GJA9: variants seen among roughly 807,000 people sequenced by gnomAD.
The protein encoded by GJA9 is gap junction protein alpha 9.
GJA9 carries 1 observed loss-of-function variant against 0.4 expected under a neutral mutation model. The ratio of observed to expected loss-of-function variants is 2.50; its 90% CI spans 0.89 to 11.88. The LOEUF (loss-of-function observed/expected upper bound fraction) is 11.88. Ranked by LOEUF, GJA9 falls within the 30% of genes most tolerant of loss-of-function variation. The pLI is 0.12. For synonymous variants in GJA9, 190 were observed against 219.1 expected (o/e 0.87, Z 1.17); for missense variants, 550 against 602.8 (o/e 0.91, Z 0.92).
intron 1 of GJA9, among the ~76,000 whole-genome samples, chr1:38,879,757 C>G (rs567548007): frequency 6.6e-6 from 1 of 152,090 alleles, no homozygotes; most frequent in East Asian, 1.9e-4. Context: ...GACGGAGTCT[C>G]GCCCTGTCGC....
At chr1:38,880,597 C>T (rs1183221274) in intron 1 of GJA9, among the ~76,000 whole-genome samples, 5 of 151,152 alleles carry the variant, frequency 3.3e-5, no homozygotes, top group African/African-American at 1.2e-4. Flanking sequence ...GCCTGAGCAA[C>T]ATGGTTGAAC....
At chr1:38,879,068 C>A (rs1642645391) in intron 1 of GJA9, among the ~76,000 whole-genome samples, 1 of 152,082 alleles carries the variant, frequency 6.6e-6, no homozygotes, top group African/African-American at 2.4e-5. Flanking sequence ...ATATTACTTG[C>A]AATAGATTGT....
intron 1 of GJA9, among the ~76,000 whole-genome samples, chr1:38,880,401 TC>T (rs1642671000): frequency 1.5e-5 from 1 of 67,816 alleles, no homozygotes; most frequent in African/African-American, 3.7e-5. Context: ...AGACTCTGTC[TC>T]AAAAAAAAAT....
rs369785104 is a variant in GJA9 at position 38,875,510 on chromosome 1, T to C, written c.589A>G (p.Ile197Val). The change falls in exon 2 of 2, where the codon ATA becomes GTA. Residue 197 changes from isoleucine (I) to valine (V), a missense_variant. Transcript: ENST00000357771. ...FKCHGHPCPN[I>V]IDCFVSRPTE... is the part of the protein sequence containing the mutation. ...GGTCTTGAGACAAAACAGTCGATTA[T>C]ATTTGGACACGGGTGGCCATGGCAC... 4.6e-5 allele frequency: 74 copies of C among 1,614,094 alleles called. No homozygotes were observed. The highest frequency in any genetic ancestry group is 6.7e-5 in the African/African-American group (5 of 74,950).
intron 1 of GJA9, among the ~76,000 whole-genome samples, chr1:38,880,617 A>G (rs1482517468): frequency 6.6e-6 from 1 of 151,050 alleles, no homozygotes; most frequent in African/African-American, 2.4e-5. Context: ...CCCCATCTCT[A>G]CTAAAAATAC....
Position 38,877,498 on chromosome 1 carries a change from T to TCTTC in GJA9, c.-95-1306_-95-1305insGAAG, listed in dbSNP as rs1642609916. ...GCTTGAAAAGTCAGTGATTTTTTTTTCTTTCTTTCTTTCTTTTGGGACAGA... is the reference window on the plus strand; with the variant it reads ...GCTTGAAAAGTCAGTGATTTTTTTTTCTTCCTTTCTTTCTTTCTTTTGGGACAGA... On this transcript the variant is annotated intron_variant, in intron 1 of 1. Coordinates refer to ENST00000357771, the MANE Select transcript of GJA9 (RefSeq NM_030772.5). Among the ~76,000 whole-genome samples, 3 of 152,094 alleles carry TCTTC rather than the reference T, an allele frequency of 2.0e-5. No individual in the cohort carries two copies. The South Asian group carries it at 6.2e-4, about 32-fold the overall frequency.
intron 1 of GJA9, among the ~76,000 whole-genome samples, chr1:38,877,585 C>T (rs1407859374): frequency 2.0e-5 from 3 of 152,038 alleles, no homozygotes; most frequent in Non-Finnish European, 4.4e-5. Flanking sequence ...CAACCTCCGC[C>T]TCCTGGGTTC....
Position 38,876,330 on chromosome 1 carries a change from G to A in GJA9, c.-95-137C>T, listed in dbSNP as rs148710872. On this transcript the variant is annotated intron_variant, in intron 1 of 1. Coordinates refer to ENST00000357771, the MANE Select transcript of GJA9 (RefSeq NM_030772.5). ...CCTCTGTTGCCCAGGCTGGAGTACA[G>A]TGTTGCAACCACAACTCCCTGCAGC... 271 of 533,160 alleles carry A rather than the reference G, an allele frequency of 5.1e-4. 1 individual carries two copies. The highest frequency in any genetic ancestry group is 4.8e-3 in the African/African-American group (248 of 52,152). The allele number at this position is 533,160 out of a possible 1,614,324, so 33.0% of individuals were successfully genotyped here. A position where few individuals can be genotyped will look rare whatever the true frequency, so the allele number is the denominator to read the frequency against.
In GJA9 at chr1:38,874,935, A is replaced by G. The variant is rs16825625; in HGVS notation, c.1164T>C (p.Arg388=). Residue 388 remains arginine (R), a synonymous_variant, in exon 2 of 2, where the codon CGT becomes CGC. Coordinates refer to ENST00000357771, the MANE Select transcript of GJA9 (RefSeq NM_030772.5). The stretch of plus-strand genomic sequence containing the variant: ...CATCTATAGCAACACCTGGAATAGA[A>G]CGGTGACCTCTAGAGTAGTAGTTCC... ...SKRNYYSRGH[R]SIPGVAIDGE... The G allele has an allele frequency of 0.09, 145,645 of 1,614,054 alleles. 7,081 individuals carry two copies. The highest frequency in any genetic ancestry group is 0.12 in the Middle Eastern group (698 of 6,062).
At chr1:38,880,841 T>C (rs191332297) in intron 1 of GJA9, among the ~76,000 whole-genome samples, 2 of 152,018 alleles carry the variant, frequency 1.3e-5, no homozygotes, top group Admixed American at 1.3e-4. Context: ...ATAATAATAA[T>C]GTAAGCAAAG....
chr1:38,875,263 G>A lies in GJA9; in HGVS notation c.836C>T (p.Pro279Leu), dbSNP rs774585994. 1.2e-6 allele frequency: 2 copies of A among 1,614,180 alleles called. No individual in the cohort carries two copies. Among genetic ancestry groups the A allele is most frequent in the Non-Finnish European group, 1.7e-6 (2 of 1,180,018 alleles). The change falls in exon 2 of 2, where the codon CCT becomes CTT. Residue 279 changes from proline (P) to leucine (L), a missense_variant. Coordinates refer to ENST00000357771, the MANE Select transcript of GJA9 (RefSeq NM_030772.5). The stretch of plus-strand genomic sequence containing the variant: ...TAACAGATTATAATCAGGGGCAGAA[G>A]GGAGTCGCTTCAGTGAATTTGCAGA... ...STSANSLKRL[P>L]SAPDYNLLVE...
rs1642572929 is a variant in GJA9, at chr1:38,875,671, T to C, written c.428A>G (p.Lys143Arg). ...EQELCQLEKRKLNKAPLRGTL... is the reference protein window; with the variant it reads ...EQELCQLEKRRLNKAPLRGTL... ...TCCTCTGAGTGGAGCTTTATTTAGT[T>C]TCCTTTTCTCCAGCTGACAAAGCTC... Residue 143 changes from lysine to arginine, a missense_variant, in exon 2 of 2, where the codon AAA becomes AGA. Physicochemically the swap from Lys to Arg is conservative, Grantham distance 26. Transcript: ENST00000357771. 6.2e-7 allele frequency: 1 copy of C among 1,614,218 alleles called. No homozygotes were observed. Among genetic ancestry groups the C allele is most frequent in the African/African-American group, 1.3e-5 (1 of 75,050 alleles).
intron 1 of GJA9, among the ~76,000 whole-genome samples, chr1:38,880,260 C>T (rs559894176): frequency 6.5e-4 from 97 of 148,568 alleles, no homozygotes; most frequent in Admixed American, 6.1e-3. Context: ...AAAAATTAGT[C>T]GGGCGTGGTG....
Position 38,874,619 on chromosome 1 carries a change from G to A in GJA9, c.1480C>T (p.Pro494Ser). Residue 494 changes from proline to serine, a missense_variant, in exon 2 of 2, where the codon CCA (proline) becomes TCA (serine). Pro to Ser is a moderately conservative substitution (Grantham distance 74). Transcript: ENST00000357771. ...TTCGTTAGGGACACTACGTGATTTG[G>A]AGGACAAACAGGATTATTACAGGTT... is the stretch of plus-strand genomic sequence containing the variant. ...VRTCNNPVCP[P>S]NHVVSLTNNL... The A allele has an allele frequency of 6.2e-7, 1 of 1,614,206 alleles. No individual in the cohort carries two copies.
chr1:38,880,624 A>G lies in GJA9; in HGVS notation c.-96+808T>C, dbSNP rs565843606. 1.3e-4 allele frequency among the ~76,000 whole-genome samples: 19 copies of G among 151,410 alleles called. No homozygotes were observed. The East Asian group carries it at 3.7e-3, about 30-fold the overall frequency. On this transcript the variant is annotated intron_variant, in intron 1 of 1. Coordinates refer to ENST00000357771, the MANE Select transcript of GJA9 (RefSeq NM_030772.5). The stretch of plus-strand genomic sequence containing the variant: ...TGGTTGAACCCCATCTCTACTAAAA[A>G]TACAAAAATTAGCCGGGCATGGTGG...
chr1:38,878,894 CA>C (rs1557601679), intron 1 of GJA9, among the ~76,000 whole-genome samples: 4 of 151,946 alleles, frequency 2.6e-5, no homozygotes, highest in African/African-American at 9.6e-5. Flanking sequence ...CCACCATGCC[CA>C]GCTAATTTTG....
chr1:38,879,444 A>T (rs968592387), intron 1 of GJA9, among the ~76,000 whole-genome samples: 4 of 152,228 alleles, frequency 2.6e-5, no homozygotes, highest in African/African-American at 9.6e-5. Context: ...ACAGATGAGG[A>T]AACGGAAGCA....
intron 1 of GJA9, among the ~76,000 whole-genome samples, chr1:38,879,966 C>T (rs1025824395): frequency 1.3e-5 from 2 of 151,584 alleles, no homozygotes; most frequent in Non-Finnish European, 2.9e-5. Context: ...ATCCTCCCGC[C>T]TCGGCCTCCC....
At chr1:38,879,123 T>C (rs1642646387) in intron 1 of GJA9, among the ~76,000 whole-genome samples, 2 of 152,128 alleles carry the variant, frequency 1.3e-5, no homozygotes, top group African/African-American at 4.8e-5. Flanking sequence ...ACTGTAGCAG[T>C]ATTTGACCTA....
Sources: gnomAD v4.1 joint callset for allele counts (sites outside exome capture counted in the v4.1 genomes callset) on GRCh38, gnomAD v4.1.1 for gene constraint, MANE v1.5 for transcripts, NCBI Gene and HGNC (gene_info 2026-07-23, HGNC 2026-07-21) for gene names.